The following PAPSS1 variants were observed in gnomAD, a reference collection of about 807,000 sequenced individuals.
The protein encoded by PAPSS1 is 3'-phosphoadenosine 5'-phosphosulfate synthase 1, also known as bifunctional 3'-phosphoadenosine 5'-phosphosulfate synthase 1.
Under a neutral mutation model 72.0 loss-of-function variants are expected in PAPSS1, and 50 were observed. The observed-to-expected ratio is 0.69, with a 90% CI of 0.55 to 0.88. PAPSS1 has a LOEUF of 0.88. PAPSS1 is among the 40% of genes least tolerant of loss of function. The pLI, the probability that PAPSS1 is intolerant of heterozygous loss-of-function variation, is 0.00. For synonymous variants in PAPSS1, 261 were observed against 263.6 expected (o/e 0.99, Z 0.09); for missense variants, 657 against 782.2 (o/e 0.84, Z 1.91).
chr4:107,621,467 T>C (rs76517405), intron 11 of PAPSS1, among the ~76,000 whole-genome samples: 3,349 of 152,154 alleles, frequency 0.022, 58 homozygotes, highest in Non-Finnish European at 0.034. Context: ...TCTCGTAATT[T>C]TTCTCAAACA....
At chr4:107,645,124 C>A in intron 9 of PAPSS1, 54 bp from the exon 10 acceptor site, 1 of 1,342,656 alleles carries the variant, frequency 7.4e-7, no homozygotes, top group South Asian at 2.0e-5. Flanking sequence ...AGATTACTTT[C>A]CAAAGGATAC....
intron 3 of PAPSS1, among the ~76,000 whole-genome samples, chr4:107,690,867 T>C (rs1179743004): frequency 6.6e-6 from 1 of 152,138 alleles, no homozygotes; most frequent in Non-Finnish European, 1.5e-5. Context: ...TGTCGGCTGA[T>C]AGCTCTCCAT....
intron 9 of PAPSS1, among the ~76,000 whole-genome samples, chr4:107,652,330 T>C (rs1726862136): frequency 6.6e-6 from 1 of 152,174 alleles, no homozygotes; most frequent in South Asian, 2.1e-4. Flanking sequence ...GTGAATGCTG[T>C]TCCCTGATAC....
At position 107,720,116 on chromosome 4, in the gene PAPSS1, T is replaced by C; in HGVS notation, c.60+4A>G. The C allele has an allele frequency of 6.2e-7, 1 of 1,603,376 alleles. No homozygotes were observed. The highest frequency in any genetic ancestry group is 8.5e-7 in the Non-Finnish European group (1 of 1,175,402). ...TCGCCGTCTCGCCTTCGTCCCCAGC[T>C]TACCCAGTTCTGCGCGTTATTGCTC... On this transcript the variant is annotated splice_donor_region_variant and intron_variant, in intron 1 of 11. Transcript: ENST00000265174.
intron 10 of PAPSS1, among the ~76,000 whole-genome samples, chr4:107,635,586 T>C (rs1253744712): frequency 6.6e-6 from 1 of 152,062 alleles, no homozygotes; most frequent in East Asian, 1.9e-4. Flanking sequence ...TCCAATCTCC[T>C]ACAAACTGTT....
At chr4:107,668,765 T>C (rs1727387094) in intron 5 of PAPSS1, among the ~76,000 whole-genome samples, 1 of 152,062 alleles carries the variant, frequency 6.6e-6, no homozygotes, top group African/African-American at 2.4e-5. Flanking sequence ...AAGTTAATAC[T>C]TAATAAACTC....
chr4:107,634,922 C>T (rs552497659), intron 10 of PAPSS1, among the ~76,000 whole-genome samples: 191 of 150,742 alleles, frequency 1.3e-3, no homozygotes, highest in Non-Finnish European at 2.2e-3. Context: ...CTCAGTCTCC[C>T]GAGTAGCTGG....
intron 2 of PAPSS1, among the ~76,000 whole-genome samples, chr4:107,698,613 C>G (rs536795555): frequency 6.6e-6 from 1 of 152,116 alleles, no homozygotes; most frequent in Non-Finnish European, 1.5e-5. Flanking sequence ...CAGAGACTCA[C>G]TGTGGGGAAA....
At chr4:107,683,062 T>C (rs1281056947) in intron 4 of PAPSS1, among the ~76,000 whole-genome samples, 2 of 152,178 alleles carry the variant, frequency 1.3e-5, no homozygotes, top group East Asian at 1.9e-4. Flanking sequence ...AAAGATACGC[T>C]ATTCCTATCT....
rs568518517 is a variant in PAPSS1, at chr4:107,619,115, A to G, written c.1737-4728T>C. ...TATAAAGTGCTTGTTGTTGAAGGCA[A>G]TGAAAAAGAAGACAGCAGCTTGCTA... On this transcript the variant is annotated intron_variant, in intron 11 of 11. Transcript: ENST00000265174. Among the ~76,000 whole-genome samples, 3 of 152,356 alleles carry G rather than the reference A, an allele frequency of 2.0e-5. No homozygotes were observed. The East Asian group carries it at 5.8e-4, about 29-fold the overall frequency.
intron 5 of PAPSS1, among the ~76,000 whole-genome samples, chr4:107,662,204 G>A (rs982172467): frequency 2.0e-5 from 3 of 152,320 alleles, no homozygotes; most frequent in South Asian, 2.1e-4. Flanking sequence ...AGACATGAAC[G>A]GCACTTTCTG....
chr4:107,641,874 T>C (rs1271288384), intron 10 of PAPSS1, among the ~76,000 whole-genome samples: 3 of 152,214 alleles, frequency 2.0e-5, no homozygotes, highest in South Asian at 4.1e-4. Flanking sequence ...GGGGCTAGAA[T>C]CCTAGAAATG....
At position 107,693,918 on chromosome 4, in the gene PAPSS1, A is replaced by C. The variant is rs1478565710; in HGVS notation, c.264T>G (p.Gly88=). ...TATTGAGACCTTGACGAATATTGTC[A>C]CCATCCAGAGTGTAGCATGGAATAC... ...CHGIPCYTLD[G]DNIRQGLNKN... is the part of the protein sequence containing the mutation. The change falls in exon 3 of 12, where the codon GGT becomes GGG. Residue 88 remains glycine, a synonymous_variant. Transcript: ENST00000265174. 1 of 1,613,836 alleles carries C rather than the reference A, an allele frequency of 6.2e-7. No individual in the cohort carries two copies. Among genetic ancestry groups the C allele is most frequent in the Non-Finnish European group, 8.5e-7 (1 of 1,179,822 alleles).
chr4:107,657,378 A>G (rs2246742), intron 6 of PAPSS1, among the ~76,000 whole-genome samples: 23,233 of 152,156 alleles, frequency 0.15, 3,201 homozygotes, highest in African/African-American at 0.37. Flanking sequence ...CCAGAAAATG[A>G]TAACAGTGAT....
intron 1 of PAPSS1, among the ~76,000 whole-genome samples, chr4:107,712,263 G>C (rs751678515): frequency 3.3e-5 from 5 of 152,080 alleles, no homozygotes; most frequent in Non-Finnish European, 2.9e-5. Flanking sequence ...TTTGTTGTTT[G>C]ATCCTTTCTA....
At chr4:107,702,439 T>C (rs1459141386) in intron 1 of PAPSS1, among the ~76,000 whole-genome samples, 1 of 152,218 alleles carries the variant, frequency 6.6e-6, no homozygotes, top group Non-Finnish European at 1.5e-5. Flanking sequence ...CTTTTGAACT[T>C]AATCCTTGTA....
Position 107,697,419 on chromosome 4 carries a change from C to T in PAPSS1, c.176-3413G>A, listed in dbSNP as rs113356980. Among the ~76,000 whole-genome samples the T allele has an allele frequency of 4.7e-3, 711 of 152,172 alleles. 4 individuals carry two copies. The highest frequency in any genetic ancestry group is 0.016 in the African/African-American group (673 of 41,522). Reference sequence around the variant, plus strand: ...GGTGGCTAGGGTGAAAAAGGTTGTTCGTTATTTCTTTTGAATTGTTGTTTT... The same window carrying T: ...GGTGGCTAGGGTGAAAAAGGTTGTTTGTTATTTCTTTTGAATTGTTGTTTT... On this transcript the variant is annotated intron_variant, in intron 2 of 11. Coordinates refer to ENST00000265174, the MANE Select transcript of PAPSS1 (RefSeq NM_005443.5).
At chr4:107,652,721 AC>A (rs1201686193) in intron 9 of PAPSS1, among the ~76,000 whole-genome samples, 1 of 152,208 alleles carries the variant, frequency 6.6e-6, no homozygotes, top group Admixed American at 6.5e-5. Flanking sequence ...TATTGGAAGT[AC>A]ACAGTATATA....
intron 11 of PAPSS1, among the ~76,000 whole-genome samples, chr4:107,617,512 A>C (rs1725854630): frequency 6.6e-6 from 1 of 152,162 alleles, no homozygotes; most frequent in Admixed American, 6.5e-5. Flanking sequence ...AGAAAAATCA[A>C]TGTCAGTGTT....
Sources: gnomAD v4.1 joint callset for allele counts (sites outside exome capture counted in the v4.1 genomes callset) on GRCh38, gnomAD v4.1.1 for gene constraint, MANE v1.5 for transcripts, NCBI Gene and HGNC (gene_info 2026-07-23, HGNC 2026-07-21) for gene names.